Variants in ETV6 observed in about 807,000 individuals in gnomAD.
ETV6 encodes transcription factor ETV6.
Under a neutral mutation model 51.1 loss-of-function variants are expected in ETV6, and 16 were observed. The ratio of observed to expected loss-of-function variants is 0.31; its 90% confidence interval spans 0.21 to 0.48. ETV6 has a LOEUF of 0.48. ETV6 is among the 20% of genes least tolerant of loss of function. The pLI is 0.99. For missense variants in ETV6, 458 were observed against 594.8 expected, an observed-to-expected ratio of 0.77 and a Z score of 2.39; for synonymous variants, 240 against 224.1, an observed-to-expected ratio of 1.07 and a Z score of -0.64.
intron 2 of ETV6, among the ~76,000 whole-genome samples, chr12:11,784,429 C>T (rs1945452777): frequency 6.9e-6 from 1 of 145,402 alleles, no homozygotes; most frequent in Non-Finnish European, 1.5e-5. Flanking sequence ...ACTGCACTCG[C>T]GCCTGGGTGA....
chr12:11,857,740 G>A (rs1043818281), intron 4 of ETV6, among the ~76,000 whole-genome samples: 26 of 152,096 alleles, frequency 1.7e-4, no homozygotes, highest in Non-Finnish European at 3.1e-4. Flanking sequence ...TCTGGAAACC[G>A]GGAAACCAGG....
chr12:11,773,284 T>A (rs1028242102), intron 2 of ETV6, among the ~76,000 whole-genome samples: 19 of 151,388 alleles, frequency 1.3e-4, no homozygotes, highest in African/African-American at 4.6e-4. Flanking sequence ...GAATTTTTTT[T>A]AATTCAGCAA....
At chr12:11,669,477 T>A (rs952602906) in intron 1 of ETV6, among the ~76,000 whole-genome samples, 6 of 151,910 alleles carry the variant, frequency 3.9e-5, no homozygotes, top group African/African-American at 1.5e-4. Flanking sequence ...TTTCTTCTTT[T>A]TGAGGCCTCG....
At chr12:11,688,116 G>A (rs913757739) in intron 1 of ETV6, among the ~76,000 whole-genome samples, 1 of 152,094 alleles carries the variant, frequency 6.6e-6, no homozygotes, top group African/African-American at 2.4e-5. Context: ...TAGAGTCTTG[G>A]CTGCCTGACT....
At chr12:11,819,897 G>A (rs193009045) in intron 2 of ETV6, among the ~76,000 whole-genome samples, 2 of 152,246 alleles carry the variant, frequency 1.3e-5, no homozygotes, top group East Asian at 1.9e-4. Flanking sequence ...AACAATATCC[G>A]ATTATGTTAC....
Position 11,893,628 on chromosome 12 carries a change from TAACA to T in ETV6, c.*2587_*2590del, listed in dbSNP as rs1002743956. The T allele has an allele frequency of 4.3e-6, 1 of 231,084 alleles. No homozygotes were observed. Among genetic ancestry groups the T allele is most frequent in the African/African-American group, 2.2e-5 (1 of 45,140 alleles). The allele number at this position is 231,084 out of a possible 1,614,324, so 14.3% of individuals were successfully genotyped here. A position where few individuals can be genotyped will look rare whatever the true frequency, so the allele number is the denominator to read the frequency against. ...CACCATGAGTGGAAAATTCCACACC[TAACA>T]AACACATTTGCTTTCTTATGGTTCA... On this transcript the variant is annotated 3_prime_UTR_variant, in exon 8 of 8. Coordinates refer to ENST00000396373, the MANE Select transcript of ETV6 (RefSeq NM_001987.5).
intron 2 of ETV6, among the ~76,000 whole-genome samples, chr12:11,759,081 G>C (rs919530235): frequency 6.6e-6 from 1 of 152,016 alleles, no homozygotes; most frequent in Non-Finnish European, 1.5e-5. Context: ...AAGAATTTCC[G>C]ATGCAGGCAG....
intron 1 of ETV6, among the ~76,000 whole-genome samples, chr12:11,696,801 G>A (rs564590099): frequency 6.6e-6 from 1 of 152,214 alleles, no homozygotes; most frequent in South Asian, 2.1e-4. Context: ...GGGCAACAGA[G>A]TATAAGACTC....
At chr12:11,812,914 T>C (rs1207350086) in intron 2 of ETV6, among the ~76,000 whole-genome samples, 4 of 152,188 alleles carry the variant, frequency 2.6e-5, no homozygotes, top group Non-Finnish European at 5.9e-5. Context: ...CATAGCTTAG[T>C]GATTTCCTGC....
At chr12:11,821,253 C>T (rs1946076527) in intron 2 of ETV6, among the ~76,000 whole-genome samples, 1 of 152,022 alleles carries the variant, frequency 6.6e-6, no homozygotes, top group African/African-American at 2.4e-5. Flanking sequence ...GTAGTCCCAG[C>T]TTCTCGGGAG....
At chr12:11,693,308 G>A (rs1864804689) in intron 1 of ETV6, among the ~76,000 whole-genome samples, 5 of 152,158 alleles carry the variant, frequency 3.3e-5, no homozygotes, top group Admixed American at 2.6e-4. Flanking sequence ...GTTCCTGGAG[G>A]CAGATGAGGG....
At position 11,768,830 on chromosome 12, in the gene ETV6, A is replaced by G. The variant is rs1274076575; in HGVS notation, c.163+16251A>G. 6 of 436,758 alleles carry G rather than the reference A, an allele frequency of 1.4e-5. No individual in the cohort carries two copies. The East Asian group carries it at 3.5e-4, about 25-fold the overall frequency. 27.1% of individuals were successfully genotyped at this position (436,758 alleles called of 1,614,324 possible). ...CCACACCTTGCATATTAGGACAGAA[A>G]TCTGCCTACCACATTCCAGCTACAT... On this transcript the variant is annotated intron_variant, in intron 2 of 7. Transcript: ENST00000396373.
chr12:11,765,890 T>C lies in ETV6; in HGVS notation c.163+13311T>C, dbSNP rs113839678. Reference sequence around the variant, plus strand: ...AGACTGAGGGGGAAACGAGAGTAGGTACCTTGTGCTGAGACTGTCCTGGGA... The same window carrying C: ...AGACTGAGGGGGAAACGAGAGTAGGCACCTTGTGCTGAGACTGTCCTGGGA... On this transcript the variant is annotated intron_variant, in intron 2 of 7. Coordinates refer to ENST00000396373, the MANE Select transcript of ETV6 (RefSeq NM_001987.5). 6.2e-3 allele frequency among the ~76,000 whole-genome samples: 939 copies of C among 152,302 alleles called. 12 individuals are homozygous for C. The highest frequency in any genetic ancestry group is 0.021 in the African/African-American group (892 of 41,560).
chr12:11,804,871 T>G (rs571900569), intron 2 of ETV6, among the ~76,000 whole-genome samples: 32 of 152,294 alleles, frequency 2.1e-4, no homozygotes, highest in African/African-American at 6.7e-4. Context: ...GAGTCTTTTC[T>G]TTTGGGAAGG....
intron 2 of ETV6, among the ~76,000 whole-genome samples, chr12:11,827,738 T>G (rs895364464): frequency 6.6e-6 from 1 of 152,076 alleles, no homozygotes; most frequent in Non-Finnish European, 1.5e-5. Context: ...ACAGATCAGG[T>G]CCCAGTTCAG....
chr12:11,881,999 C>T (rs561593303), intron 5 of ETV6, among the ~76,000 whole-genome samples: 2 of 152,140 alleles, frequency 1.3e-5, no homozygotes, highest in African/African-American at 4.8e-5. Flanking sequence ...ACGGGGTGGG[C>T]AATAGAAGTG....
intron 1 of ETV6, among the ~76,000 whole-genome samples, chr12:11,666,976 G>A (rs973170292): frequency 1.1e-4 from 16 of 152,224 alleles, no homozygotes; most frequent in Non-Finnish European, 1.3e-4. Flanking sequence ...GGCTTGTGCA[G>A]TAGGTTGAGA....
chr12:11,786,173 A>G (rs1036375966), intron 2 of ETV6, among the ~76,000 whole-genome samples: 5 of 152,082 alleles, frequency 3.3e-5, no homozygotes, highest in African/African-American at 1.2e-4. Flanking sequence ...TGCATTGACC[A>G]TCACTCAATA....
Position 11,894,102 on chromosome 12 carries a change from T to C in ETV6, c.*3056T>C. 4.3e-6 allele frequency: 1 copy of C among 230,074 alleles called. No individual in the cohort carries two copies. The highest frequency in any genetic ancestry group is 8.6e-6 in the Non-Finnish European group (1 of 116,128). The allele number at this position is 230,074 out of a possible 1,614,324, so 14.3% of individuals were successfully genotyped here. A position where few individuals can be genotyped will look rare whatever the true frequency, so the allele number is the denominator to read the frequency against. On this transcript the variant is annotated 3_prime_UTR_variant, in exon 8 of 8. Transcript: ENST00000396373. ...TTCAGATTCAGTTAGCAAACCTTGA[T>C]GAAGCACCTGCTGGACACTGAGGGA...
Sources: gnomAD v4.1 joint callset for allele counts (sites outside exome capture counted in the v4.1 genomes callset) on GRCh38, gnomAD v4.1.1 for gene constraint, MANE v1.5 for transcripts, NCBI Gene and HGNC (gene_info 2026-07-23, HGNC 2026-07-21) for gene names.